Variants in TRPM3 observed in about 807,000 individuals in gnomAD.
TRPM3 encodes the protein long transient receptor potential channel 3.
In TRPM3, 77 loss-of-function variants were observed where a neutral mutation model predicts 181.2. The ratio of observed to expected loss-of-function variants is 0.42; its 90% confidence interval spans 0.35 to 0.51. TRPM3 has a LOEUF of 0.51. TRPM3 is among the 20% of genes least tolerant of loss of function. The pLI, the probability that TRPM3 is intolerant of heterozygous loss-of-function variation, is 0.01. For synonymous variants in TRPM3, 745 were observed against 796.4 expected (o/e 0.94, Z 1.09); for missense variants, 1,759 against 2,196.7 (o/e 0.80, Z 3.98).
Position 70,959,159 on chromosome 9 carries a change from T to TA in TRPM3, c.178-94649dup, listed in dbSNP as rs1244817761. Among the ~76,000 whole-genome samples the TA allele has an allele frequency of 6.7e-5, 10 of 149,078 alleles. No individual in the cohort carries two copies. In the East Asian group the frequency reaches 9.8e-4, roughly 15 times the overall value. Reference sequence around the variant, plus strand: ...CCTAAAACTTAAAGTATAATAATAATAAAAAAAAGAAAAAAAATATGTCAC... The same window carrying TA: ...CCTAAAACTTAAAGTATAATAATAATAAAAAAAAAGAAAAAAAATATGTCAC... On this transcript the variant is annotated intron_variant, in intron 1 of 25. Coordinates refer to ENST00000677713, the MANE Select transcript of TRPM3 (RefSeq NM_001366145.2).
intron 1 of TRPM3, among the ~76,000 whole-genome samples, chr9:71,290,028 A>T (rs1210781006): frequency 6.6e-6 from 1 of 152,004 alleles, no homozygotes; most frequent in Non-Finnish European, 1.5e-5. Context: ...TCAAAGTATC[A>T]CATGTACCCC....
At chr9:70,747,172 A>T (rs2075307576) in intron 8 of TRPM3, among the ~76,000 whole-genome samples, 1 of 152,214 alleles carries the variant, frequency 6.6e-6, no homozygotes, top group African/African-American at 2.4e-5. Context: ...GAAACATAGA[A>T]TAATGAATCA....
intron 1 of TRPM3, among the ~76,000 whole-genome samples, chr9:70,868,536 T>C (rs1457345105): frequency 1.3e-5 from 2 of 152,062 alleles, no homozygotes. Context: ...ACTTTGAATC[T>C]TCTTACTATG....
intron 18 of TRPM3, among the ~76,000 whole-genome samples, chr9:70,613,356 A>G (rs1248735915): frequency 6.6e-6 from 1 of 152,240 alleles, no homozygotes; most frequent in Non-Finnish European, 1.5e-5. Context: ...GGTGAACTAA[A>G]CTACTAAAAG....
At chr9:71,204,304 A>G (rs2078987914) in intron 1 of TRPM3, among the ~76,000 whole-genome samples, 1 of 151,328 alleles carries the variant, frequency 6.6e-6, no homozygotes, top group Non-Finnish European at 1.5e-5. Flanking sequence ...AATTTTTGCA[A>G]CCTACTCATC....
intron 21 of TRPM3, among the ~76,000 whole-genome samples, chr9:70,596,344 C>A (rs2059013916): frequency 6.6e-6 from 1 of 152,144 alleles, no homozygotes; most frequent in South Asian, 2.1e-4. Context: ...ATTTAAGATT[C>A]ATTTCAGTAG....
At chr9:70,642,557 TC>T (rs1276458833) in intron 9 of TRPM3, among the ~76,000 whole-genome samples, 1 of 152,148 alleles carries the variant, frequency 6.6e-6, no homozygotes. Context: ...TCAGGGTGCA[TC>T]CCATACCAAT....
intron 1 of TRPM3, among the ~76,000 whole-genome samples, chr9:71,169,999 T>C (rs28637512): frequency 4.7e-3 from 118 of 24,932 alleles, no homozygotes; most frequent in African/African-American, 0.017. Context: ...AGACTCTGTC[T>C]CAAAAAAAAA....
rs200167036 is a variant in TRPM3 at position 70,843,108 on chromosome 9, G to T, written c.696C>A (p.Gly232=). ...TAGAGGCATGATCCTTCAAGGCATCGCCAACATGACGAATAACACCTAAAA... is the reference window on the plus strand; with the variant it reads ...TAGAGGCATGATCCTTCAAGGCATCTCCAACATGACGAATAACACCTAAAA... ...GVNTGVIRHV[G]DALKDHASKS... is the part of the protein sequence containing the mutation. Residue 232 remains glycine (G), a synonymous_variant, in exon 5 of 26, where the codon GGC becomes GGA. Coordinates refer to ENST00000677713, the MANE Select transcript of TRPM3 (RefSeq NM_001366145.2). The T allele has an allele frequency of 1.9e-6, 3 of 1,601,876 alleles. No individual in the cohort carries two copies. The East Asian group carries it at 6.7e-5, about 36-fold the overall frequency.
chr9:71,286,894 C>T (rs2085315804), intron 1 of TRPM3, among the ~76,000 whole-genome samples: 1 of 137,148 alleles, frequency 7.3e-6, no homozygotes, highest in African/African-American at 2.8e-5. Flanking sequence ...TCAAATATCA[C>T]CTCTCACAGA....
intron 1 of TRPM3, among the ~76,000 whole-genome samples, chr9:71,287,830 C>T (rs1037927530): frequency 6.6e-6 from 1 of 152,066 alleles, no homozygotes; most frequent in African/African-American, 2.4e-5. Context: ...CGCCCGATGT[C>T]ACATACGCAG....
chr9:70,866,822 CTG>C (rs927441560), intron 1 of TRPM3, among the ~76,000 whole-genome samples: 9 of 152,024 alleles, frequency 5.9e-5, no homozygotes, highest in Admixed American at 1.3e-4. Flanking sequence ...TTATCTGACT[CTG>C]TGAGGAAAGT....
chr9:71,410,655 T>G (rs1305998263), intron 1 of TRPM3, among the ~76,000 whole-genome samples: 1 of 152,180 alleles, frequency 6.6e-6, no homozygotes, highest in Non-Finnish European at 1.5e-5. Flanking sequence ...CCAGACGGAT[T>G]CACAGCCAAA....
chr9:71,196,860 C>A (rs2078403471), intron 1 of TRPM3, among the ~76,000 whole-genome samples: 1 of 133,362 alleles, frequency 7.5e-6, no homozygotes, highest in African/African-American at 2.6e-5. Flanking sequence ...ATAAATTGGG[C>A]CTTTCTTTTT....
rs528290658 is a variant in TRPM3 at position 70,665,161 on chromosome 9, C to T, written c.1345+16345G>A. ...GTGGGAGCTGAACTCTTCCTCTTCC[C>T]GGGTCTAGGGATGGCAGGAGGTGGT... On this transcript the variant is annotated intron_variant, in intron 9 of 25. Coordinates refer to ENST00000677713, the MANE Select transcript of TRPM3 (RefSeq NM_001366145.2). Among the ~76,000 whole-genome samples, 45 of 151,926 alleles carry T rather than the reference C, an allele frequency of 3.0e-4. No individual in the cohort carries two copies. The South Asian group carries it at 8.3e-3, about 28-fold the overall frequency.
intron 8 of TRPM3, among the ~76,000 whole-genome samples, chr9:70,744,254 G>C (rs1193622790): frequency 3.3e-5 from 5 of 151,860 alleles, no homozygotes; most frequent in Non-Finnish European, 1.5e-5. Context: ...CTTGAACCTG[G>C]GAGGCAGAGG....
chr9:70,575,855 G>T (rs987378836), intron 22 of TRPM3, among the ~76,000 whole-genome samples: 2 of 152,130 alleles, frequency 1.3e-5, no homozygotes, highest in African/African-American at 2.4e-5. Context: ...TCTTAACTGA[G>T]TTCTCTACCC....
chr9:71,231,845 A>C (rs2081072920), intron 1 of TRPM3, among the ~76,000 whole-genome samples: 1 of 152,310 alleles, frequency 6.6e-6, no homozygotes, highest in East Asian at 1.9e-4. Flanking sequence ...TCACTGCCTG[A>C]GTGATGCGAT....
intron 1 of TRPM3, among the ~76,000 whole-genome samples, chr9:70,936,145 A>G (rs889762991): frequency 5.3e-5 from 8 of 152,340 alleles, no homozygotes; most frequent in African/African-American, 1.9e-4. Flanking sequence ...TCAGCCTCCA[A>G]GGTTTTAAAA....
Sources: gnomAD v4.1 joint callset for allele counts (sites outside exome capture counted in the v4.1 genomes callset) on GRCh38, gnomAD v4.1.1 for gene constraint, MANE v1.5 for transcripts, NCBI Gene and HGNC (gene_info 2026-07-23, HGNC 2026-07-21) for gene names.